PHF24: variants seen among roughly 807,000 people sequenced by gnomAD.
The protein encoded by PHF24 is PHD finger protein 24, also known as Galpha inhibitory interacting protein.
A neutral mutation model predicts 42.6 loss-of-function variants in PHF24; 25 were observed. That is an observed-to-expected ratio of 0.59 (90% CI 0.43 to 0.82). The LOEUF is 0.82. Among genes scored for constraint, PHF24 ranks in the 40% least tolerant of loss-of-function variants. PHF24 has a pLI of 0.00. For missense variants in PHF24, 470 were observed against 538.1 expected (o/e 0.87, Z 1.25); for synonymous variants, 185 against 204.8 (o/e 0.90, Z 0.83).
the PHF24 span, among the ~76,000 whole-genome samples, chr9:34,823,328 G>A: frequency 6.6e-6 from 1 of 151,964 alleles, no homozygotes; most frequent in African/African-American, 2.4e-5. Flanking sequence ...GCAGGGAAGA[G>A]GAAGGGGCTG....
At chr9:34,764,649 G>T in the PHF24 span, among the ~76,000 whole-genome samples, 1 of 152,134 alleles carries the variant, frequency 6.6e-6, no homozygotes, top group African/African-American at 2.4e-5. Flanking sequence ...CAAAAAACCA[G>T]CTCCTGGATT....
At chr9:34,777,415 G>A in the PHF24 span, among the ~76,000 whole-genome samples, 227 of 152,280 alleles carry the variant, frequency 1.5e-3, 2 homozygotes, top group East Asian at 0.012. Context: ...AGATGCCAAT[G>A]GTGGTGGATT....
In PHF24 at chr9:34,960,678, G is replaced by C. The variant is rs1406643053; in HGVS notation, c.-5+2277G>C. On this transcript the variant is annotated intron_variant, in intron 1 of 7. Transcript: ENST00000242315. ...GGTGCTTATTATCACACCCACTCAT[G>C]ACCCTGGAAAAATCACTAAATGGAT... Among the ~76,000 whole-genome samples, 4 of 152,122 alleles carry C rather than the reference G, an allele frequency of 2.6e-5. No homozygotes were observed. The South Asian group carries it at 6.2e-4, about 24-fold the overall frequency.
At chr9:34,748,542 T>A in the PHF24 span, among the ~76,000 whole-genome samples, 1 of 152,096 alleles carries the variant, frequency 6.6e-6, no homozygotes, top group South Asian at 2.1e-4. Flanking sequence ...GAGACTCTGT[T>A]TGGGAGAAAG....
At chr9:34,778,363 CA>C in the PHF24 span, among the ~76,000 whole-genome samples, 1 of 152,142 alleles carries the variant, frequency 6.6e-6, no homozygotes, top group Non-Finnish European at 1.5e-5. Context: ...GATCCTGCCT[CA>C]TGATGTCTAA....
the PHF24 span, among the ~76,000 whole-genome samples, chr9:34,906,827 A>G: frequency 6.6e-6 from 1 of 152,138 alleles, no homozygotes; most frequent in Non-Finnish European, 1.5e-5. Flanking sequence ...TAGGGATTCA[A>G]ATAACCAGGA....
the PHF24 span, among the ~76,000 whole-genome samples, chr9:34,910,606 T>C: frequency 6.6e-6 from 1 of 152,216 alleles, no homozygotes. Context: ...TAAATGTTTT[T>C]AAAGTCTAAA....
chr9:34,756,892 TC>T, the PHF24 span, among the ~76,000 whole-genome samples: 1 of 145,452 alleles, frequency 6.9e-6, no homozygotes, highest in Non-Finnish European at 1.5e-5. Flanking sequence ...GATTCCTTCA[TC>T]AGTGTTTTTC....
At chr9:34,786,837 G>T in the PHF24 span, among the ~76,000 whole-genome samples, 1,863 of 152,228 alleles carry the variant, frequency 0.012, 29 homozygotes, top group African/African-American at 0.042. Flanking sequence ...CGGTTGACTC[G>T]TTTTTTGGTA....
At chr9:34,800,595 C>G in the PHF24 span, among the ~76,000 whole-genome samples, 1 of 151,976 alleles carries the variant, frequency 6.6e-6, no homozygotes, top group Admixed American at 6.6e-5. Flanking sequence ...TAAACGGTGC[C>G]GGGAAAACTG....
chr9:34,775,694 G>C, the PHF24 span, among the ~76,000 whole-genome samples: 1 of 151,996 alleles, frequency 6.6e-6, no homozygotes, highest in South Asian at 2.1e-4. Flanking sequence ...TCTAATCCTT[G>C]TTTCCCAAAG....
At chr9:34,870,101 G>A in the PHF24 span, among the ~76,000 whole-genome samples, 1 of 151,898 alleles carries the variant, frequency 6.6e-6, no homozygotes, top group Non-Finnish European at 1.5e-5. Context: ...AAAATTAAGT[G>A]GAAAGTACAA....
the PHF24 span, chr9:34,923,054 T>TG: frequency 5.1e-5 from 20 of 392,932 alleles, no homozygotes; most frequent in South Asian, 1.6e-4. Context: ...TTTTTGTTTT[T>TG]TTTTTTTTTT....
At chr9:34,766,066 A>T in the PHF24 span, among the ~76,000 whole-genome samples, 1 of 152,118 alleles carries the variant, frequency 6.6e-6, no homozygotes, top group African/African-American at 2.4e-5. Flanking sequence ...CTGCTGAGAG[A>T]TCCGCTGTTA....
the PHF24 span, among the ~76,000 whole-genome samples, chr9:34,875,907 TACACACACACACAC>T: frequency 3.7e-3 from 434 of 115,830 alleles, 2 homozygotes; most frequent in East Asian, 6.9e-3. Context: ...CTCTCTCTCT[TACACACACACACAC>T]ACACACACAC....
the PHF24 span, among the ~76,000 whole-genome samples, chr9:34,675,449 T>C: frequency 6.6e-6 from 1 of 152,078 alleles, no homozygotes; most frequent in African/African-American, 2.4e-5. Flanking sequence ...TGGGAAGGGG[T>C]CTGCTTCACT....
chr9:34,870,624 G>A, the PHF24 span, among the ~76,000 whole-genome samples: 3 of 149,756 alleles, frequency 2.0e-5, no homozygotes, highest in South Asian at 6.3e-4. Context: ...CTAAAGTGCA[G>A]TGGTACAATC....
At chr9:34,685,176 C>G in the PHF24 span, among the ~76,000 whole-genome samples, 1 of 152,194 alleles carries the variant, frequency 6.6e-6, no homozygotes, top group Admixed American at 6.5e-5. Context: ...CTGCCTGTCA[C>G]AAGGTTCCTT....
At chr9:34,771,537 A>T in the PHF24 span, among the ~76,000 whole-genome samples, 109,460 of 152,086 alleles carry the variant, frequency 0.72, 41,327 homozygotes, top group Non-Finnish European at 0.85. Context: ...AGGACATATA[A>T]GCCTTTTGCT....
Sources: gnomAD v4.1 joint callset for allele counts (sites outside exome capture counted in the v4.1 genomes callset) on GRCh38, gnomAD v4.1.1 for gene constraint, MANE v1.5 for transcripts, NCBI Gene and HGNC (gene_info 2026-07-23, HGNC 2026-07-21) for gene names.